ADAM10: variants seen among roughly 807,000 people sequenced by gnomAD.
ADAM10 encodes disintegrin and metalloproteinase domain-containing protein 10.
A neutral mutation model predicts 90.1 loss-of-function variants in ADAM10; 17 were observed. The observed-to-expected ratio is 0.19, with a 90% CI of 0.13 to 0.28. The LOEUF is 0.28. Among genes scored for constraint, ADAM10 ranks in the 10% least tolerant of loss-of-function variants. The pLI is 1.00. For missense variants in ADAM10, 610 were observed against 914.3 expected (o/e 0.67, Z 4.29); for synonymous variants, 310 against 298.6 (o/e 1.04, Z -0.40).
Position 58,743,690 on chromosome 15 carries a change from C to T in ADAM10, c.55+5790G>A, listed in dbSNP as rs144885241. 5.5e-3 allele frequency among the ~76,000 whole-genome samples: 830 copies of T among 152,184 alleles called. 7 individuals carry two copies. Among genetic ancestry groups the T allele is most frequent in the African/African-American group, 0.018 (755 of 41,516 alleles). On this transcript the variant is annotated intron_variant, in intron 1 of 15. Coordinates refer to ENST00000260408, the MANE Select transcript of ADAM10 (RefSeq NM_001110.4). ...TGCGATCTCAGCTCACTGCAACCTC[C>T]ACCTCCCGGGTTCAAGCGATTCTCC...
At chr15:58,740,070 T>C (rs1328824760) in intron 1 of ADAM10, among the ~76,000 whole-genome samples, 1 of 152,242 alleles carries the variant, frequency 6.6e-6, no homozygotes, top group Non-Finnish European at 1.5e-5. Flanking sequence ...ATTGTCTTTC[T>C]AGTGAAGACA....
chr15:58,616,298 A>G (rs1895613435), intron 11 of ADAM10, among the ~76,000 whole-genome samples: 1 of 152,218 alleles, frequency 6.6e-6, no homozygotes, highest in South Asian at 2.1e-4. Flanking sequence ...CATTTACAGA[A>G]CATTTCATCC....
intron 1 of ADAM10, among the ~76,000 whole-genome samples, chr15:58,734,309 T>C (rs1202154829): frequency 6.6e-6 from 1 of 152,220 alleles, no homozygotes; most frequent in Admixed American, 6.5e-5. Context: ...AAGTGAGAAC[T>C]ATTAGCCCAT....
chr15:58,639,695 CAT>C (rs1896362794), intron 8 of ADAM10, among the ~76,000 whole-genome samples: 1 of 151,674 alleles, frequency 6.6e-6, no homozygotes, highest in Non-Finnish European at 1.5e-5. Flanking sequence ...CATTTTAAAA[CAT>C]AGAAGAAAAA....
chr15:58,692,935 T>A (rs781142862), intron 2 of ADAM10: 4 of 714,226 alleles, frequency 5.6e-6, no homozygotes, highest in Middle Eastern at 2.4e-4. Context: ...AATGCCTGTG[T>A]TGACCAAAGT....
At chr15:58,703,126 C>T (rs1898178051) in intron 2 of ADAM10, among the ~76,000 whole-genome samples, 1 of 152,032 alleles carries the variant, frequency 6.6e-6, no homozygotes. Flanking sequence ...AACAACCCAA[C>T]CACATACTAC....
chr15:58,637,826 G>T (rs1272870357), intron 8 of ADAM10, among the ~76,000 whole-genome samples: 1 of 152,008 alleles, frequency 6.6e-6, no homozygotes, highest in Non-Finnish European at 1.5e-5. Context: ...TATTAGGTTG[G>T]TCACAAAGTT....
intron 1 of ADAM10, among the ~76,000 whole-genome samples, chr15:58,718,709 T>C (rs1307542296): frequency 6.6e-6 from 1 of 152,190 alleles, no homozygotes; most frequent in Non-Finnish European, 1.5e-5. Context: ...GGGATGATTC[T>C]TTAGCCTCAG....
intron 8 of ADAM10, among the ~76,000 whole-genome samples, chr15:58,640,194 A>G (rs1175756682): frequency 2.0e-5 from 3 of 152,230 alleles, no homozygotes; most frequent in African/African-American, 7.2e-5. Flanking sequence ...TCGGCAGAGT[A>G]TGAACCCAGG....
chr15:58,691,201 GC>G, intron 2 of ADAM10: 1 of 752,070 alleles, frequency 1.3e-6, no homozygotes, highest in Non-Finnish European at 2.5e-6. Context: ...TCTTTCATGA[GC>G]CTGCAGAGGT....
chr15:58,749,115 G>C (rs1388405559), intron 1 of ADAM10: 2 of 398,024 alleles, frequency 5.0e-6, no homozygotes, highest in Non-Finnish European at 8.8e-6. Flanking sequence ...TGCCTGCACC[G>C]GCGCCCGCCG....
intron 1 of ADAM10, among the ~76,000 whole-genome samples, chr15:58,740,177 C>G (rs1338418354): frequency 6.6e-6 from 1 of 152,062 alleles, no homozygotes; most frequent in Non-Finnish European, 1.5e-5. Context: ...CTTTGGGAGG[C>G]TGAAGGAGGA....
chr15:58,701,346 G>A (rs1276213816), intron 2 of ADAM10, among the ~76,000 whole-genome samples: 1 of 151,914 alleles, frequency 6.6e-6, no homozygotes, highest in Non-Finnish European at 1.5e-5. Context: ...AAAAAATAAA[G>A]AAGAAAAAGA....
At chr15:58,667,494 G>C (rs530529685) in intron 4 of ADAM10, among the ~76,000 whole-genome samples, 4 of 152,208 alleles carry the variant, frequency 2.6e-5, no homozygotes, top group African/African-American at 9.6e-5. Context: ...CCTTGGCTAT[G>C]AGATGACCCT....
At chr15:58,703,476 A>G (rs935590995) in intron 2 of ADAM10, among the ~76,000 whole-genome samples, 2 of 152,210 alleles carry the variant, frequency 1.3e-5, no homozygotes, top group Non-Finnish European at 2.9e-5. Flanking sequence ...GTTTTTTTAA[A>G]GTATGTATGT....
intron 8 of ADAM10, among the ~76,000 whole-genome samples, chr15:58,640,249 C>T (rs1896379733): frequency 6.6e-6 from 1 of 152,180 alleles, no homozygotes; most frequent in Non-Finnish European, 1.5e-5. Context: ...TTCCTGCCTA[C>T]ATCTCTTTCA....
At chr15:58,686,755 A>C (rs1897614950) in intron 2 of ADAM10, 4 of 571,816 alleles carry the variant, frequency 7.0e-6, no homozygotes, top group Middle Eastern at 4.6e-4. Context: ...TCCTATAGCC[A>C]AAATCACAGA....
intron 15 of ADAM10, 68 bp downstream of exon 15, chr15:58,599,530 A>G (rs1679048322): frequency 6.5e-7 from 1 of 1,542,204 alleles, no homozygotes; most frequent in African/African-American, 1.4e-5. Context: ...AGACTCATTT[A>G]TAATTCAATT....
chr15:58,653,667 G>C (rs946361670), intron 5 of ADAM10, among the ~76,000 whole-genome samples: 1 of 152,096 alleles, frequency 6.6e-6, no homozygotes, highest in Non-Finnish European at 1.5e-5. Context: ...ATAATGGCCT[G>C]TCATTTTCTT....
Sources: gnomAD v4.1 joint callset for allele counts (sites outside exome capture counted in the v4.1 genomes callset) on GRCh38, gnomAD v4.1.1 for gene constraint, MANE v1.5 for transcripts, NCBI Gene and HGNC (gene_info 2026-07-23, HGNC 2026-07-21) for gene names.